LARP4B: variants seen among roughly 807,000 people sequenced by gnomAD.
LARP4B encodes the protein la-related protein 4B.
A neutral mutation model predicts 89.8 loss-of-function variants in LARP4B; 12 were observed. The ratio of observed to expected loss-of-function variants is 0.13; its 90% CI spans 0.09 to 0.22. The LOEUF is 0.22. Ranked by LOEUF, LARP4B falls within the 10% of genes least tolerant of loss-of-function variation. The pLI, the probability that LARP4B is intolerant of heterozygous loss-of-function variation, is 1.00. For synonymous variants in LARP4B, 367 were observed against 363.3 expected (o/e 1.01, Z -0.12); for missense variants, 757 against 947.7 (o/e 0.80, Z 2.64).
chr10:830,125 C>G (rs1832824795), intron 9 of LARP4B, among the ~76,000 whole-genome samples: 1 of 152,214 alleles, frequency 6.6e-6, no homozygotes, highest in African/African-American at 2.4e-5. Context: ...GGATTAGGAT[C>G]ATAACATCCA....
At chr10:833,249 T>TAAAAAAAAAAAAAAAAAAAA (rs56788542) in intron 8 of LARP4B, among the ~76,000 whole-genome samples, 1 of 52,038 alleles carries the variant, frequency 1.9e-5, no homozygotes, top group Non-Finnish European at 3.3e-5. Context: ...TGATGAGCTT[T>TAAAAAAAAAAAAAAAAAAAA]AAAAAAAAAA....
chr10:816,503 C>T (rs1346212868), intron 15 of LARP4B, among the ~76,000 whole-genome samples: 1 of 152,184 alleles, frequency 6.6e-6, no homozygotes, highest in Middle Eastern at 3.2e-3. Flanking sequence ...TTCAAAGAAG[C>T]AATTCTTTCT....
the LARP4B span, among the ~76,000 whole-genome samples, chr10:983,049 CCTTTCT>C: frequency 6.6e-6 from 1 of 152,216 alleles, no homozygotes; most frequent in Non-Finnish European, 1.5e-5. Flanking sequence ...GGGGTTATTA[CCTTTCT>C]CTTTATGTAT....
chr10:862,777 A>T (rs1307493903), intron 5 of LARP4B, among the ~76,000 whole-genome samples: 2 of 152,076 alleles, frequency 1.3e-5, no homozygotes, highest in Non-Finnish European at 2.9e-5. Flanking sequence ...AAATGAAAAC[A>T]TGAAAAAGTT....
intron 7 of LARP4B, among the ~76,000 whole-genome samples, chr10:841,207 G>C (rs1303813074): frequency 6.6e-6 from 1 of 152,128 alleles, no homozygotes; most frequent in Non-Finnish European, 1.5e-5. Context: ...AAAGTAAGAT[G>C]AGAACTTTGC....
chr10:978,400 CTTA>C, the LARP4B span, among the ~76,000 whole-genome samples: 69 of 152,240 alleles, frequency 4.5e-4, no homozygotes, highest in Non-Finnish European at 7.6e-4. Context: ...ATTTATTGTA[CTTA>C]TTAACACATT....
the LARP4B span, among the ~76,000 whole-genome samples, chr10:954,360 C>T: frequency 1.6e-4 from 25 of 152,094 alleles, no homozygotes; most frequent in Admixed American, 8.5e-4. This position sits in a 1 kb window ranked among gnomAD's most constrained non-coding sequence, Gnocchi z 5.0. Flanking sequence ...CATGTGGACG[C>T]GGACGAAAAG....
At chr10:872,553 C>T (rs887692053) in intron 3 of LARP4B, among the ~76,000 whole-genome samples, 11 of 152,224 alleles carry the variant, frequency 7.2e-5, no homozygotes, top group African/African-American at 2.4e-4. Context: ...CTCTCCCTAT[C>T]GGATAGGTCT....
At chr10:906,064 A>G (rs1588978762) in intron 1 of LARP4B, among the ~76,000 whole-genome samples, 1 of 152,232 alleles carries the variant, frequency 6.6e-6, no homozygotes, top group South Asian at 2.1e-4. Flanking sequence ...TAGCTATTTT[A>G]TACATCTTCA....
At chr10:848,098 G>A (rs1410918381) in intron 5 of LARP4B, among the ~76,000 whole-genome samples, 2 of 152,196 alleles carry the variant, frequency 1.3e-5, no homozygotes, top group Non-Finnish European at 2.9e-5. Flanking sequence ...GCTCGTGGAA[G>A]AACCACCTGA....
the LARP4B span, among the ~76,000 whole-genome samples, chr10:963,592 T>C: frequency 6.6e-6 from 1 of 152,174 alleles, no homozygotes; most frequent in Non-Finnish European, 1.5e-5. Flanking sequence ...TTCCAGGAGT[T>C]TACAAATTCA....
At chr10:972,986 C>T in the LARP4B span, 1 of 406,116 alleles carries the variant, frequency 2.5e-6, no homozygotes, top group Non-Finnish European at 4.9e-6. Context: ...GGCGTTACCA[C>T]TGTGATTCTG....
At chr10:827,345 G>A (rs1832687321) in intron 11 of LARP4B, among the ~76,000 whole-genome samples, 1 of 152,102 alleles carries the variant, frequency 6.6e-6, no homozygotes, top group East Asian at 1.9e-4. Flanking sequence ...TGTAAATCAT[G>A]GGCAGAGCAA....
At chr10:897,369 T>C (rs1228506628) in intron 1 of LARP4B, among the ~76,000 whole-genome samples, 1 of 152,014 alleles carries the variant, frequency 6.6e-6, no homozygotes, top group Non-Finnish European at 1.5e-5. Context: ...TACACAAAAA[T>C]TAAGGCAAAA....
chr10:855,536 C>T (rs918379642), intron 5 of LARP4B, among the ~76,000 whole-genome samples: 1 of 152,058 alleles, frequency 6.6e-6, no homozygotes, highest in Non-Finnish European at 1.5e-5. Flanking sequence ...AGAACACACA[C>T]GTCATTTATA....
chr10:921,429 G>A (rs1836977506), intron 1 of LARP4B, among the ~76,000 whole-genome samples: 1 of 152,110 alleles, frequency 6.6e-6, no homozygotes, highest in African/African-American at 2.4e-5. Flanking sequence ...GTAACTTCAT[G>A]TGATTTCATG....
At chr10:918,634 A>C (rs74920570) in intron 1 of LARP4B, among the ~76,000 whole-genome samples, 1 of 130,832 alleles carries the variant, frequency 7.6e-6, no homozygotes, top group African/African-American at 3.1e-5. Context: ...CCCTGTCTCA[A>C]AAAAAAAAAA....
At chr10:809,058 A>C (rs1831646430), downstream of LARP4B, 1 of 152,196 alleles carries the variant, frequency 6.6e-6, no homozygotes, top group Admixed American at 6.5e-5. Context: ...TGCACAGAGG[A>C]GGAAGGCAGC....
chr10:901,810 T>C (rs1836352400), intron 1 of LARP4B, among the ~76,000 whole-genome samples: 1 of 152,192 alleles, frequency 6.6e-6, no homozygotes, highest in Non-Finnish European at 1.5e-5. Context: ...GTGCTTCTAC[T>C]GAAAAAAACA....
Sources: gnomAD v4.1 joint callset for allele counts (sites outside exome capture counted in the v4.1 genomes callset) on GRCh38, gnomAD v4.1.1 for gene constraint, Gnocchi (gnomAD v3.1) non-coding constraint, MANE v1.5 for transcripts, NCBI Gene and HGNC (gene_info 2026-07-23, HGNC 2026-07-21) for gene names.